The following CACNA1C variants were observed in gnomAD, a reference collection of about 807,000 sequenced individuals.
CACNA1C encodes calcium voltage-gated channel subunit alpha1 C, also known as voltage-dependent L-type calcium channel subunit alpha-1C.
A neutral mutation model predicts 229.0 loss-of-function variants in CACNA1C; 30 were observed. The observed-to-expected ratio is 0.13, with a 90% CI of 0.10 to 0.18. CACNA1C has a LOEUF of 0.18. Ranked by LOEUF, CACNA1C falls within the 10% of genes least tolerant of loss-of-function variation. The pLI is 1.00. For synonymous variants in CACNA1C, 1,114 were observed against 1,132.5 expected (o/e 0.98, Z 0.33); for missense variants, 1,658 against 2,845.0 (o/e 0.58, Z 9.49).
In CACNA1C at chr12:2,357,970, CAAA is replaced by C. The variant is rs34774514; in HGVS notation, c.478-90987_478-90985del. ...GGGCAACAAGAGTGAAACTCAGTCT[CAAA>C]AAAAAAAAAAAAAAAAAATCGCAAC... On this transcript the variant is annotated intron_variant, in intron 3 of 46. Transcript: ENST00000399655. 3.6e-3 allele frequency among the ~76,000 whole-genome samples: 379 copies of C among 106,306 alleles called. 1 individual carries two copies. Among genetic ancestry groups the C allele is most frequent in the African/African-American group, 0.012 (335 of 27,642 alleles). The allele number at this position is 106,306 out of a possible 152,430, so 69.7% of individuals were successfully genotyped here. A position where few individuals can be genotyped will look rare whatever the true frequency, so the allele number is the denominator to read the frequency against.
At chr12:2,523,422 A>G (rs1383920866) in intron 9 of CACNA1C, among the ~76,000 whole-genome samples, 3 of 152,048 alleles carry the variant, frequency 2.0e-5, no homozygotes, top group Admixed American at 6.5e-5. Context: ...ATCAGCCACA[A>G]TGCTCTGGGG....
chr12:2,294,391 C>T (rs945571993), intron 3 of CACNA1C, among the ~76,000 whole-genome samples: 2 of 151,380 alleles, frequency 1.3e-5, no homozygotes, highest in Non-Finnish European at 2.9e-5. Context: ...GAGCTGGAAA[C>T]GTAGATTGGA....
At chr12:2,545,742 T>A (rs1371356955) in intron 9 of CACNA1C, among the ~76,000 whole-genome samples, 1 of 152,184 alleles carries the variant, frequency 6.6e-6, no homozygotes, top group Non-Finnish European at 1.5e-5. Context: ...AAAACACAAT[T>A]CCTTTTGCAC....
Position 2,557,121 on chromosome 12 carries a change from C to G in CACNA1C, c.1508+144C>G, listed in dbSNP as rs2044787431. On this transcript the variant is annotated intron_variant, in intron 11 of 46. Coordinates refer to ENST00000399655, the MANE Select transcript of CACNA1C (RefSeq NM_000719.7). The stretch of plus-strand genomic sequence containing the variant: ...AAGGGGGTAACTACTTTCTGTATGG[C>G]CATCAAGAAAAAGCTTATGGCTCAG... 3 of 653,916 alleles carry G rather than the reference C, an allele frequency of 4.6e-6. No homozygotes were observed. In the Admixed American group the frequency reaches 8.0e-5, roughly 17 times the overall value. 40.5% of individuals were successfully genotyped at this position (653,916 alleles called of 1,614,324 possible).
chr12:2,373,315 G>A (rs927835617), intron 3 of CACNA1C, among the ~76,000 whole-genome samples: 1 of 152,270 alleles, frequency 6.6e-6, no homozygotes, highest in Admixed American at 6.5e-5. Flanking sequence ...TGAATAACAC[G>A]AACGGGGTTT....
intron 3 of CACNA1C, among the ~76,000 whole-genome samples, chr12:2,206,965 A>G (rs1232460742): frequency 6.6e-6 from 1 of 152,256 alleles, no homozygotes. Context: ...TCCAAATGCA[A>G]TATAACATTT....
intron 3 of CACNA1C, among the ~76,000 whole-genome samples, chr12:2,238,891 T>C (rs192556791): frequency 2.5e-4 from 38 of 152,336 alleles, no homozygotes; most frequent in African/African-American, 7.9e-4. Flanking sequence ...GATTTTCATT[T>C]TGACTGGCTT....
At chr12:2,071,931 T>G (rs2061490755) in intron 1 of CACNA1C, among the ~76,000 whole-genome samples, 1 of 152,190 alleles carries the variant, frequency 6.6e-6, no homozygotes, top group Non-Finnish European at 1.5e-5. Flanking sequence ...CTGCCAGAAC[T>G]GGAAATTTGA....
intron 3 of CACNA1C, among the ~76,000 whole-genome samples, chr12:2,312,018 A>G (rs1284583302): frequency 1.3e-5 from 2 of 152,170 alleles, no homozygotes; most frequent in African/African-American, 2.4e-5. Context: ...AATAGTCCTC[A>G]TTTATTTCCC....
intron 3 of CACNA1C, among the ~76,000 whole-genome samples, chr12:2,241,015 A>T (rs767414044): frequency 6.6e-6 from 1 of 152,112 alleles, no homozygotes; most frequent in Non-Finnish European, 1.5e-5. Context: ...CACAGAGGGG[A>T]TTTCACATGT....
rs921287351 is a variant in CACNA1C at position 2,348,073 on chromosome 12, T to C, written c.478-100903T>C. 7.9e-5 allele frequency among the ~76,000 whole-genome samples: 12 copies of C among 152,206 alleles called. No individual in the cohort carries two copies. The highest frequency in any genetic ancestry group is 2.0e-4 in the Admixed American group (3 of 15,292). On this transcript the variant is annotated intron_variant, in intron 3 of 46. Coordinates refer to ENST00000399655, the MANE Select transcript of CACNA1C (RefSeq NM_000719.7). This position sits in a 1 kb window ranked among gnomAD's most constrained non-coding sequence, Gnocchi z 4.7. ...CCCTGAGGAAGCTTGTCCTAGAAAC[T>C]GCAGTGAGGTGACTGTGCGGCAGGC... is the stretch of plus-strand genomic sequence containing the variant.
intron 3 of CACNA1C, among the ~76,000 whole-genome samples, chr12:2,448,470 G>A (rs527665478): frequency 6.8e-4 from 104 of 152,254 alleles, no homozygotes; most frequent in Admixed American, 3.7e-3. Context: ...TTTCTTTGTG[G>A]CTGCATTTTT....
At chr12:2,567,863 T>G in intron 13 of CACNA1C, 69 bp downstream of exon 13, 1 of 903,558 alleles carries the variant, frequency 1.1e-6, no homozygotes, top group Non-Finnish European at 1.7e-6. Context: ...GCAAGGGAGG[T>G]GGCAAGGCCT....
At chr12:2,236,154 A>T (rs2067266059) in intron 3 of CACNA1C, among the ~76,000 whole-genome samples, 1 of 152,186 alleles carries the variant, frequency 6.6e-6, no homozygotes, top group Admixed American at 6.5e-5. Context: ...GAGACCTCAC[A>T]GTGTCTCTCA....
intron 3 of CACNA1C, among the ~76,000 whole-genome samples, chr12:2,202,901 T>C (rs771567096): frequency 6.6e-6 from 1 of 152,142 alleles, no homozygotes; most frequent in Non-Finnish European, 1.5e-5. Flanking sequence ...CAAGTCTGCA[T>C]CCAAGGAGAG....
intron 3 of CACNA1C, among the ~76,000 whole-genome samples, chr12:2,355,077 T>TGC (rs2097318828): frequency 7.4e-6 from 1 of 134,450 alleles, no homozygotes; most frequent in African/African-American, 2.7e-5. Flanking sequence ...AAACCAACTC[T>TGC]GCCCGCTTCC....
intron 1 of CACNA1C, among the ~76,000 whole-genome samples, chr12:2,015,363 A>G (rs2045175522): frequency 6.6e-6 from 1 of 152,224 alleles, no homozygotes; most frequent in Non-Finnish European, 1.5e-5. Flanking sequence ...TGAAAACTTC[A>G]GGGGAAAGCT....
intron 1 of CACNA1C, among the ~76,000 whole-genome samples, chr12:2,042,345 G>T (rs1209859480): frequency 6.6e-6 from 1 of 152,032 alleles, no homozygotes; most frequent in East Asian, 1.9e-4. Flanking sequence ...TAAACATAAG[G>T]CTTTGTGTTA....
upstream of CACNA1C, among the ~76,000 whole-genome samples, chr12:2,051,887 G>A (rs940936505): frequency 6.6e-6 from 1 of 152,210 alleles, no homozygotes; most frequent in African/African-American, 2.4e-5. Context: ...ATAGACATTT[G>A]ATATAGACAG....
Sources: gnomAD v4.1 joint callset for allele counts (sites outside exome capture counted in the v4.1 genomes callset) on GRCh38, gnomAD v4.1.1 for gene constraint, Gnocchi (gnomAD v3.1) non-coding constraint, MANE v1.5 for transcripts, NCBI Gene and HGNC (gene_info 2026-07-23, HGNC 2026-07-21) for gene names.